The following ADD2 variants were observed in gnomAD, a reference collection of about 807,000 sequenced individuals.
The protein encoded by ADD2 is beta-adducin.
Under a neutral mutation model 83.0 loss-of-function variants are expected in ADD2, and 23 were observed. That is an observed-to-expected ratio of 0.28 (90% CI 0.20 to 0.39). The LOEUF (loss-of-function observed/expected upper bound fraction) is 0.39. Ranked by LOEUF, ADD2 falls within the 10% of genes least tolerant of loss-of-function variation. The pLI, the probability that ADD2 is intolerant of heterozygous loss-of-function variation, is 1.00. For missense variants in ADD2, 758 were observed against 944.9 expected, an observed-to-expected ratio of 0.80 and a Z score of 2.59; for synonymous variants, 375 against 375.4, an observed-to-expected ratio of 1.00 and a Z score of 0.01.
chr2:70,724,386 C>G (rs946438373), intron 1 of ADD2, among the ~76,000 whole-genome samples: 1 of 152,210 alleles, frequency 6.6e-6, no homozygotes, highest in Non-Finnish European at 1.5e-5. Context: ...TTCTGGGTAG[C>G]CTCTTCATGA....
At chr2:70,732,385 T>C (rs17006258) in intron 1 of ADD2, among the ~76,000 whole-genome samples, 1 of 152,214 alleles carries the variant, frequency 6.6e-6, no homozygotes, top group Non-Finnish European at 1.5e-5. Context: ...TGAGAAACAT[T>C]TGAATGCAAT....
At chr2:70,672,232 G>A (rs550254302) in intron 15 of ADD2, among the ~76,000 whole-genome samples, 6 of 152,284 alleles carry the variant, frequency 3.9e-5, no homozygotes, top group Admixed American at 1.3e-4. Context: ...GTTGGGCCTC[G>A]AACTCCGTTC....
intron 4 of ADD2, among the ~76,000 whole-genome samples, chr2:70,703,608 T>G (rs909309662): frequency 6.6e-6 from 1 of 152,236 alleles, no homozygotes; most frequent in East Asian, 1.9e-4. Context: ...GTTTATTGCA[T>G]TGTTCCTAAC....
At chr2:70,698,361 A>G (rs1011061662) in intron 4 of ADD2, among the ~76,000 whole-genome samples, 3 of 152,234 alleles carry the variant, frequency 2.0e-5, no homozygotes, top group Non-Finnish European at 4.4e-5. Flanking sequence ...CACAGGTACA[A>G]GGGGCAGAAG....
At chr2:70,691,644 T>TCC (rs1312139429) in intron 7 of ADD2, 1 of 152,120 alleles carries the variant, frequency 6.6e-6, no homozygotes, top group African/African-American at 2.4e-5. Flanking sequence ...ACCCTTGCCC[T>TCC]CCTTCATTCA....
intron 15 of ADD2, among the ~76,000 whole-genome samples, chr2:70,671,401 A>C (rs1215288001): frequency 6.6e-6 from 1 of 152,170 alleles, no homozygotes; most frequent in Non-Finnish European, 1.5e-5. Context: ...TGCATAGTGC[A>C]TGTGGAATTG....
intron 2 of ADD2, chr2:70,711,105 AC>A (rs2104403512): frequency 6.6e-6 from 1 of 152,354 alleles, no homozygotes; most frequent in African/African-American, 2.4e-5. Context: ...GAACAGGTCA[AC>A]CTCGATATCA....
chr2:70,764,107 C>T (rs534269109), intron 1 of ADD2, among the ~76,000 whole-genome samples: 3 of 151,692 alleles, frequency 2.0e-5, no homozygotes, highest in Non-Finnish European at 4.4e-5. Flanking sequence ...ATGCTGGTCT[C>T]GAACTCCTGA....
At position 70,678,864 on chromosome 2, in the gene ADD2, A is replaced by G. The variant is rs2104249855; in HGVS notation, c.1223T>C (p.Val408Ala). The G allele has an allele frequency of 1.9e-6, 3 of 1,613,944 alleles. No homozygotes were observed. The East Asian group carries it at 6.7e-5, about 36-fold the overall frequency. Residue 408 changes from valine to alanine, a missense_variant, in exon 11 of 16, where the codon GTG becomes GCG. Physicochemically the swap from Val to Ala is moderately conservative, Grantham distance 64. Around this residue, in one of 5 missense-constraint regions of ADD2, gnomAD observed 394 missense variants for 509.3 expected, o/e 0.77. Coordinates refer to ENST00000264436, the MANE Select transcript of ADD2 (RefSeq NM_001617.4). Reference sequence around the variant, plus strand: ...CACCGGGGCACCGTCCTCCTCAAACACGAAGGCTGTGACCGTGGCTGGAAT... The same window carrying G: ...CACCGGGGCACCGTCCTCCTCAAACGCGAAGGCTGTGACCGTGGCTGGAAT... ...VEIPATVTAF[V>A]FEEDGAPVPA...
At position 70,695,761 on chromosome 2, in the gene ADD2, G is replaced by A; in HGVS notation, c.515C>T (p.Pro172Leu). 1 of 1,614,142 alleles carries A rather than the reference G, an allele frequency of 6.2e-7. No homozygotes were observed. The highest frequency in any genetic ancestry group is 8.5e-7 in the Non-Finnish European group (1 of 1,180,036). The change falls in exon 6 of 16, where the codon CCT becomes CTT. Residue 172 changes from proline (P) to leucine (L), a missense_variant. By Grantham distance (98) the Pro-to-Leu change is moderately conservative. Coordinates refer to ENST00000264436, the MANE Select transcript of ADD2 (RefSeq NM_001617.4). Reference protein sequence around the residue: ...SKEQDHFLISPKGVSCSEVTA... With the variant: ...SKEQDHFLISLKGVSCSEVTA... ...GACTTCACTGCAAGAAACTCCCTTAGGGCTGATCAGGAAGTGGTCCTGCTC... is the reference window on the plus strand; with the variant it reads ...GACTTCACTGCAAGAAACTCCCTTAAGGCTGATCAGGAAGTGGTCCTGCTC...
intron 1 of ADD2, among the ~76,000 whole-genome samples, chr2:70,718,055 A>G: frequency 6.6e-6 from 1 of 152,144 alleles, no homozygotes; most frequent in East Asian, 1.9e-4. Flanking sequence ...CAGACCCCAT[A>G]AGTACTTATT....
At chr2:70,767,781 C>T in intron 1 of ADD2, 105 bp downstream of exon 1, 1 of 1,488,850 alleles carries the variant, frequency 6.7e-7, no homozygotes. Context: ...AGACGCGCCC[C>T]ACCTGGGCCA....
intron 10 of ADD2, among the ~76,000 whole-genome samples, chr2:70,683,064 C>T (rs1374095545): frequency 6.7e-6 from 1 of 149,736 alleles, no homozygotes; most frequent in Non-Finnish European, 1.5e-5. Context: ...ACTCTGTCAC[C>T]CAGACTAGAG....
chr2:70,737,376 A>C (rs1395407776), intron 1 of ADD2, among the ~76,000 whole-genome samples: 2 of 152,158 alleles, frequency 1.3e-5, no homozygotes, highest in African/African-American at 2.4e-5. Context: ...ACATATACAC[A>C]ATGGAATACT....
rs181662799 is a variant in ADD2 at position 70,718,475 on chromosome 2, C to G, written c.-153-5291G>C. On this transcript the variant is annotated intron_variant, in intron 1 of 15. Transcript: ENST00000264436. ...ATATGTAATTAACTGTTAAGGGCAACACACTACAGGGCCCCAACAATGAAT... is the reference window on the plus strand; with the variant it reads ...ATATGTAATTAACTGTTAAGGGCAAGACACTACAGGGCCCCAACAATGAAT... 3.2e-3 allele frequency among the ~76,000 whole-genome samples: 486 copies of G among 152,326 alleles called. 4 individuals carry two copies. The highest frequency in any genetic ancestry group is 0.011 in the African/African-American group (467 of 41,582).
intron 1 of ADD2, among the ~76,000 whole-genome samples, chr2:70,732,539 T>C (rs1341874195): frequency 6.6e-6 from 1 of 152,212 alleles, no homozygotes; most frequent in Non-Finnish European, 1.5e-5. Flanking sequence ...GGAAAAGCAC[T>C]GGACAGACTA....
intron 1 of ADD2, among the ~76,000 whole-genome samples, chr2:70,762,584 A>T (rs1218281526): frequency 6.6e-6 from 1 of 150,448 alleles, no homozygotes; most frequent in Non-Finnish European, 1.5e-5. Flanking sequence ...ACACAAATAC[A>T]TGTTTATATA....
intron 4 of ADD2, among the ~76,000 whole-genome samples, chr2:70,700,351 T>G (rs1671527006): frequency 1.3e-5 from 2 of 152,032 alleles, no homozygotes; most frequent in Admixed American, 1.3e-4. Flanking sequence ...CCTAGATAGC[T>G]CTTAGAAGAA....
intron 3 of ADD2, 102 bp from the exon 4 acceptor site, chr2:70,704,561 G>A (rs2104380195): frequency 6.9e-7 from 1 of 1,455,818 alleles, no homozygotes; most frequent in East Asian, 2.3e-5. Flanking sequence ...GGTCAGCTAG[G>A]TCAGGGCCAT....
Sources: allele counts gnomAD v4.1 joint callset (sites outside exome capture counted in the v4.1 genomes callset), GRCh38; gene constraint gnomAD v4.1.1; regional missense constraint gnomAD v4.1.1; transcripts MANE v1.5; gene names NCBI Gene and HGNC (gene_info 2026-07-23, HGNC 2026-07-21).